Variants in ADGRB2 observed in about 807,000 individuals in gnomAD.
The protein encoded by ADGRB2 is adhesion G protein-coupled receptor B2, also known as brain-specific angiogenesis inhibitor 2.
Under a neutral mutation model 178.7 loss-of-function variants are expected in ADGRB2, and 47 were observed. The observed-to-expected ratio is 0.26, with a 90% CI of 0.21 to 0.34. The LOEUF is 0.34. Ranked by LOEUF, ADGRB2 falls within the 10% of genes least tolerant of loss-of-function variation. The pLI is 1.00. For missense variants in ADGRB2, 1,584 were observed against 2,180.8 expected (o/e 0.73, Z 5.45); for synonymous variants, 870 against 912.4 (o/e 0.95, Z 0.84).
Position 31,735,331 on chromosome 1 carries a change from C to T in ADGRB2, c.3354-50G>A, listed in dbSNP as rs748068497. 10 of 858,502 alleles carry T rather than the reference C, an allele frequency of 1.2e-5. No individual in the cohort carries two copies. Among genetic ancestry groups the T allele is most frequent in the African/African-American group, 1.8e-5 (1 of 56,728 alleles). The allele number at this position is 858,502 out of a possible 1,614,324, so 53.2% of individuals were successfully genotyped here. ...GAAGGAGGGGAAACACATGGGAAGC[C>T]GGGAGATGGGGCAGAATGAGCCCCG... On this transcript the variant is annotated intron_variant, in intron 24 of 32. Transcript: ENST00000373658. This position sits in a 1 kb window ranked among gnomAD's most constrained non-coding sequence, Gnocchi z 6.0.
At chr1:31,738,475 T>C in intron 17 of ADGRB2, 112 bp downstream of exon 17, 2 of 1,529,092 alleles carry the variant, frequency 1.3e-6, no homozygotes, top group Admixed American at 3.9e-5. Flanking sequence ...TCTTGACCCC[T>C]TAGGCTAGGA....
In ADGRB2 at chr1:31,728,601, A is replaced by G; in HGVS notation, c.4413T>C (p.Phe1471=). 6.2e-7 allele frequency: 1 copy of G among 1,613,802 alleles called. No individual in the cohort carries two copies. The highest frequency in any genetic ancestry group is 8.5e-7 in the Non-Finnish European group (1 of 1,179,772). Reference sequence around the variant, plus strand: ...CCAGCACACACATGGCCCTTACCTCAAAGTCCAGGTCTGAATACCGTAATT... The same window carrying G: ...CCAGCACACACATGGCCCTTACCTCGAAGTCCAGGTCTGAATACCGTAATT... ...RKKLRYSDLD[F]EKVMHTRKRH... is the part of the protein sequence containing the mutation. Residue 1471 remains phenylalanine, a synonymous_variant, in exon 30 of 33, where the codon TTT becomes TTC. Transcript: ENST00000373658. The surrounding 1 kb of genome is among the most constrained non-coding windows in gnomAD (Gnocchi z 6.7).
chr1:31,743,359 C>A (rs1329093548), intron 6 of ADGRB2: 1 of 219,818 alleles, frequency 4.5e-6, no homozygotes, highest in Non-Finnish European at 8.8e-6. Context: ...CCCATCCCAC[C>A]CACCCCTAGA....
At position 31,727,165 on chromosome 1, in the gene ADGRB2, AGCCC is replaced by A. The variant is rs1645032859; in HGVS notation, c.*251_*254del. ...AACAAAGTTCCCCTCCCCCCTCCCC[AGCCC>A]GGGACAGGGACGGACAGGCTGGGCT... On this transcript the variant is annotated 3_prime_UTR_variant, in exon 33 of 33. Coordinates refer to ENST00000373658, the MANE Select transcript of ADGRB2 (RefSeq NM_001364857.2). The surrounding 1 kb of genome is among the most constrained non-coding windows in gnomAD (Gnocchi z 4.4). 1 of 441,284 alleles carries A rather than the reference AGCCC, an allele frequency of 2.3e-6. No individual in the cohort carries two copies. Among genetic ancestry groups the A allele is most frequent in the African/African-American group, 2.1e-5 (1 of 47,986 alleles). 27.3% of individuals were successfully genotyped at this position (441,284 alleles called of 1,614,324 possible).
chr1:31,741,030 C>T lies in ADGRB2; in HGVS notation c.1794+343G>A, dbSNP rs999551012. Among the ~76,000 whole-genome samples the T allele has an allele frequency of 3.3e-5, 5 of 152,256 alleles. No individual in the cohort carries two copies. The highest frequency in any genetic ancestry group is 2.0e-4 in the Admixed American group (3 of 15,306). ...TGTACACACATTCACTGATGCTACT[C>T]TTACCCCATGACTGGCCCTGGGCTG... On this transcript the variant is annotated intron_variant, in intron 11 of 32. Coordinates refer to ENST00000373658, the MANE Select transcript of ADGRB2 (RefSeq NM_001364857.2). The surrounding 1 kb of genome is among the most constrained non-coding windows in gnomAD (Gnocchi z 6.5).
intron 2 of ADGRB2, 25 bp from the exon 3 acceptor site, chr1:31,757,306 T>G: frequency 6.5e-7 from 1 of 1,533,016 alleles, no homozygotes; most frequent in Non-Finnish European, 9.0e-7. Flanking sequence ...AAAGTGGTGA[T>G]GTTTGACTAT....
At chr1:31,745,473 G>C (rs1193180887) in intron 4 of ADGRB2, among the ~76,000 whole-genome samples, 1 of 152,228 alleles carries the variant, frequency 6.6e-6, no homozygotes, top group Non-Finnish European at 1.5e-5. Context: ...TGATTTATGT[G>C]TCTGGGCTAG....
chr1:31,738,811 T>G (rs1049992735), intron 16 of ADGRB2, 21 bp downstream of exon 16: 40 of 1,612,956 alleles, frequency 2.5e-5, no homozygotes, highest in Admixed American at 3.3e-5. Context: ...ACCCAAGGTC[T>G]CTGCATGGAT....
chr1:31,756,330 G>T lies in ADGRB2; in HGVS notation c.507C>A (p.Ala169=), dbSNP rs909080337. ...GGGCAGCGGGCGCCAGCAGGCGCGGGGCCTCGGAGGGCTCAGCCGACAGGC... is the reference window on the plus strand; with the variant it reads ...GGGCAGCGGGCGCCAGCAGGCGCGGTGCCTCGGAGGGCTCAGCCGACAGGC... ...QLCLSAEPSE[A]PRLLAPAALA... Residue 169 remains alanine, a synonymous_variant, in exon 4 of 33, where the codon GCC becomes GCA. Coordinates refer to ENST00000373658, the MANE Select transcript of ADGRB2 (RefSeq NM_001364857.2). The surrounding 1 kb of genome is among the most constrained non-coding windows in gnomAD (Gnocchi z 8.5). 1.2e-6 allele frequency: 2 copies of T among 1,612,956 alleles called. No individual in the cohort carries two copies. The highest frequency in any genetic ancestry group is 2.7e-5 in the African/African-American group (2 of 75,072).
chr1:31,739,886 G>A (rs1233089988), intron 14 of ADGRB2, 40 bp downstream of exon 14: 3 of 1,565,810 alleles, frequency 1.9e-6, no homozygotes, highest in Non-Finnish European at 1.8e-6. Context: ...CTTGAGTTCT[G>A]GCACATTCAG....
rs776741865 is a variant in ADGRB2, at chr1:31,727,630, T to C, written c.4573-25A>G. 5 of 1,476,446 alleles carry C rather than the reference T, an allele frequency of 3.4e-6. No individual in the cohort carries two copies. The highest frequency in any genetic ancestry group is 5.4e-5 in the Admixed American group (2 of 36,908). 91.5% of individuals were successfully genotyped at this position (1,476,446 alleles called of 1,614,324 possible). ...CCTGTGGAGGGAGCGGGAGGGGCCGTGGAGATGGGCCAATATCCTTACCCA... is the reference window on the plus strand; with the variant it reads ...CCTGTGGAGGGAGCGGGAGGGGCCGCGGAGATGGGCCAATATCCTTACCCA... On this transcript the variant is annotated intron_variant, in intron 32 of 32. Transcript: ENST00000373658. This position sits in a 1 kb window ranked among gnomAD's most constrained non-coding sequence, Gnocchi z 4.4.
At position 31,756,453 on chromosome 1, in the gene ADGRB2, T is replaced by C. The variant is rs1318943009; in HGVS notation, c.384A>G (p.Pro128=). ...VAQAESEVGR[P]EEEEAEAAAG... The stretch of plus-strand genomic sequence containing the variant: ...CTGCCGCCTCTGCCTCCTCCTCTTC[T>C]GGCCGCCCCACCTCTGACTCCGCCT... Residue 128 remains proline (P), a synonymous_variant, in exon 4 of 33, where the codon CCA becomes CCG. Transcript: ENST00000373658. This position sits in a 1 kb window ranked among gnomAD's most constrained non-coding sequence, Gnocchi z 8.5. 2.5e-6 allele frequency: 4 copies of C among 1,611,086 alleles called. No individual in the cohort carries two copies. In the South Asian group the frequency reaches 4.4e-5, roughly 18 times the overall value.
At position 31,728,046 on chromosome 1, in the gene ADGRB2, T is replaced by C. The variant is rs1127100; in HGVS notation, c.4551A>G (p.Ala1517=). Reference sequence around the variant, plus strand: ...TCACGGTGCACACGCTCCGCTCGGCTGCCCCACCCGAGGACACACTCCACC... The same window carrying C: ...TCACGGTGCACACGCTCCGCTCGGCCGCCCCACCCGAGGACACACTCCACC... ...EKRWSVSSGG[A]AERSVCTDKP... is the part of the protein sequence containing the mutation. Residue 1517 remains alanine (A), a synonymous_variant, in exon 32 of 33, where the codon GCA becomes GCG. Transcript: ENST00000373658. The surrounding 1 kb of genome is among the most constrained non-coding windows in gnomAD (Gnocchi z 6.7). The C allele has an allele frequency of 0.64, 1,009,011 of 1,585,246 alleles. 325,061 individuals are homozygous for C. Among genetic ancestry groups the C allele is most frequent in the African/African-American group, 0.79 (59,094 of 74,500 alleles).
intron 4 of ADGRB2, among the ~76,000 whole-genome samples, chr1:31,749,776 G>C (rs770428892): frequency 6.6e-6 from 1 of 152,170 alleles, no homozygotes; most frequent in African/African-American, 2.4e-5. Flanking sequence ...TTTTAGCTGG[G>C]TTTGGTGGCA....
rs1646738645 is a variant in ADGRB2 at position 31,754,544 on chromosome 1, C to G, written c.838+1455G>C. 6.6e-6 allele frequency among the ~76,000 whole-genome samples: 1 copy of G among 152,258 alleles called. No individual in the cohort carries two copies. Among genetic ancestry groups the G allele is most frequent in the Non-Finnish European group, 1.5e-5 (1 of 68,042 alleles). On this transcript the variant is annotated intron_variant, in intron 4 of 32. Coordinates refer to ENST00000373658, the MANE Select transcript of ADGRB2 (RefSeq NM_001364857.2). This position sits in a 1 kb window ranked among gnomAD's most constrained non-coding sequence, Gnocchi z 5.7. ...CTACAGGCACTAAATCCCAGGCCAG[C>G]CTCCAGGGCCTGTAACCTACCCGCG... is the stretch of plus-strand genomic sequence containing the variant.
In ADGRB2 at chr1:31,727,335, C is replaced by T. The variant is rs568512312; in HGVS notation, c.*85G>A. The T allele has an allele frequency of 6.1e-5, 87 of 1,436,586 alleles. No homozygotes were observed. Among genetic ancestry groups the T allele is most frequent in the Middle Eastern group, 1.9e-4 (1 of 5,236 alleles). 89.0% of individuals were successfully genotyped at this position (1,436,586 alleles called of 1,614,324 possible). A position where few individuals can be genotyped will look rare whatever the true frequency, so the allele number is the denominator to read the frequency against. The stretch of plus-strand genomic sequence containing the variant: ...CCAGCCCTCGGGAGAGGGGAGAGGG[C>T]GCTGGCTCCTGGGTAGTTCCAAAGT... On this transcript the variant is annotated 3_prime_UTR_variant, in exon 33 of 33. Transcript: ENST00000373658. The surrounding 1 kb of genome is among the most constrained non-coding windows in gnomAD (Gnocchi z 4.4).
chr1:31,743,025 T>C (rs1334412301), intron 6 of ADGRB2, 23 bp from the exon 7 acceptor site: 4 of 1,398,036 alleles, frequency 2.9e-6, no homozygotes, highest in African/African-American at 3.0e-5. Context: ...ACGTGGCCGG[T>C]GGCTGGGCGG....
At chr1:31,748,336 C>T (rs574181067) in intron 4 of ADGRB2, among the ~76,000 whole-genome samples, 1 of 152,342 alleles carries the variant, frequency 6.6e-6, no homozygotes, top group South Asian at 2.1e-4. Flanking sequence ...CACAGCCAGG[C>T]CCTACACTGC....
chr1:31,745,627 C>T (rs1194412021), intron 4 of ADGRB2, among the ~76,000 whole-genome samples: 1 of 152,242 alleles, frequency 6.6e-6, no homozygotes, highest in African/African-American at 2.4e-5. Flanking sequence ...GGCCCAGCAG[C>T]CTCTGCATGA....
Sources: allele counts gnomAD v4.1 joint callset (sites outside exome capture counted in the v4.1 genomes callset), GRCh38; gene constraint gnomAD v4.1.1; non-coding constraint Gnocchi (gnomAD v3.1); transcripts MANE v1.5; gene names NCBI Gene and HGNC (gene_info 2026-07-23, HGNC 2026-07-21).